Variants in ANO5 observed in about 807,000 individuals in gnomAD.
ANO5 encodes the protein anoctamin 5, also known as anoctamin-5.
ANO5 carries 109 observed loss-of-function variants against 121.0 expected under a neutral mutation model. That is an observed-to-expected ratio of 0.90 (90% CI 0.77 to 1.06). ANO5 has a LOEUF of 1.06. Among genes scored for constraint, ANO5 ranks in the 50% least tolerant of loss-of-function variants. The pLI is 0.00. For missense variants in ANO5, 1,064 were observed against 1,078.5 expected (o/e 0.99, Z 0.19); for synonymous variants, 406 against 359.9 (o/e 1.13, Z -1.45).
chr11:22,197,790 C>A (rs1851856254), intron 1 of ANO5, among the ~76,000 whole-genome samples: 1 of 152,126 alleles, frequency 6.6e-6, no homozygotes, highest in Non-Finnish European at 1.5e-5. Context: ...TGATGATTCT[C>A]CACAGTGATT....
At chr11:22,250,199 C>G (rs764662951) in intron 9 of ANO5, 38 bp from the exon 10 acceptor site, 1 of 1,531,392 alleles carries the variant, frequency 6.5e-7, no homozygotes, top group South Asian at 1.1e-5. Context: ...CTATAACATT[C>G]TTCCATATTC....
intron 9 of ANO5, among the ~76,000 whole-genome samples, chr11:22,248,361 G>A (rs879367782): frequency 6.6e-6 from 1 of 151,838 alleles, no homozygotes; most frequent in African/African-American, 2.4e-5. Context: ...TCAAAAGAAG[G>A]CTCTCCCTAT....
intron 17 of ANO5, among the ~76,000 whole-genome samples, chr11:22,269,509 GA>G (rs1223442302): frequency 9.0e-5 from 7 of 77,554 alleles, no homozygotes; most frequent in East Asian, 4.6e-4. Flanking sequence ...AGGAAGGAAA[GA>G]AAAAAAGAAA....
chr11:22,244,541 T>A (rs1159506632), intron 9 of ANO5, among the ~76,000 whole-genome samples: 1 of 152,038 alleles, frequency 6.6e-6, no homozygotes, highest in Non-Finnish European at 1.5e-5. Context: ...AAGTTTGGTC[T>A]CTTTATGTAA....
chr11:22,255,324 T>G (rs1308752074), intron 12 of ANO5, 47 bp from the exon 13 acceptor site: 1 of 1,462,052 alleles, frequency 6.8e-7, no homozygotes, highest in Non-Finnish European at 9.2e-7. Context: ...TTGAAAAAGT[T>G]TTTAACTTTT....
At chr11:22,253,647 T>G (rs1853899860) in intron 12 of ANO5, among the ~76,000 whole-genome samples, 5 of 152,188 alleles carry the variant, frequency 3.3e-5, no homozygotes, top group Admixed American at 3.3e-4. Flanking sequence ...AGTAGAAGTT[T>G]CTGCCTTACG....
chr11:22,269,534 AAAAAGAAAAGGAAGGAAAGAAAAAAAG>A (rs1854528731), intron 17 of ANO5, among the ~76,000 whole-genome samples: 1 of 149,648 alleles, frequency 6.7e-6, no homozygotes, highest in African/African-American at 2.5e-5. Context: ...AAGGAAAGAA[AAAAAGAAAAGGAAGGAAAGAAAAAAAG>A]AAAAGGAAAG....
intron 9 of ANO5, among the ~76,000 whole-genome samples, chr11:22,248,269 T>C (rs909282001): frequency 6.6e-6 from 1 of 152,044 alleles, no homozygotes; most frequent in Admixed American, 6.6e-5. Context: ...CACAGATCAG[T>C]TGAAAGTCTA....
At position 22,270,758 on chromosome 11, in the gene ANO5, A is replaced by G. The variant is rs188845679; in HGVS notation, c.2029+316A>G. Reference sequence around the variant, plus strand: ...CCATCTCAAATTCGCTTTGATGGCTATTTCTCCATTTGTTTGCCTCAGTGA... The same window carrying G: ...CCATCTCAAATTCGCTTTGATGGCTGTTTCTCCATTTGTTTGCCTCAGTGA... On this transcript the variant is annotated intron_variant, in intron 18 of 21. Coordinates refer to ENST00000324559, the MANE Select transcript of ANO5 (RefSeq NM_213599.3). Among the ~76,000 whole-genome samples, 14 of 152,262 alleles carry G rather than the reference A, an allele frequency of 9.2e-5. No individual in the cohort carries two copies. The East Asian group carries it at 2.3e-3, about 25-fold the overall frequency.
chr11:22,231,209 A>G (rs1853029631), intron 7 of ANO5, among the ~76,000 whole-genome samples: 1 of 151,976 alleles, frequency 6.6e-6, no homozygotes, highest in African/African-American at 2.4e-5. Flanking sequence ...TTGTATGCTC[A>G]ATGCCCAGTA....
At chr11:22,230,505 T>A (rs1268603670) in intron 7 of ANO5, among the ~76,000 whole-genome samples, 48 of 152,054 alleles carry the variant, frequency 3.2e-4, no homozygotes, top group Non-Finnish European at 1.3e-4. Context: ...TGCTTTTTGA[T>A]AGTGTTTTTA....
intron 2 of ANO5, among the ~76,000 whole-genome samples, chr11:22,206,308 C>G (rs552717075): frequency 7.1e-6 from 1 of 140,274 alleles, no homozygotes; most frequent in Admixed American, 7.3e-5. Flanking sequence ...ATGGAAGGCT[C>G]CATTCATTTT....
chr11:22,213,581 C>T (rs1852349811), intron 3 of ANO5, among the ~76,000 whole-genome samples: 1 of 151,748 alleles, frequency 6.6e-6, no homozygotes, highest in African/African-American at 2.4e-5. Flanking sequence ...GATTACCTGG[C>T]TTGAAGTAAT....
chr11:22,250,726 C>T lies in ANO5; in HGVS notation c.1014-15C>T. On this transcript the variant is annotated splice_polypyrimidine_tract_variant and intron_variant, in intron 10 of 21. Coordinates refer to ENST00000324559, the MANE Select transcript of ANO5 (RefSeq NM_213599.3). Reference sequence around the variant, plus strand: ...CACCTATCACTGTTCAATAACTTTGCTGTTCCTCTTGCAGCACTGAAATCT... The same window carrying T: ...CACCTATCACTGTTCAATAACTTTGTTGTTCCTCTTGCAGCACTGAAATCT... The T allele has an allele frequency of 1.9e-6, 3 of 1,610,784 alleles. No homozygotes were observed. The highest frequency in any genetic ancestry group is 3.3e-4 in the Middle Eastern group (2 of 6,058).
At chr11:22,205,746 G>A (rs1367371118) in intron 2 of ANO5, among the ~76,000 whole-genome samples, 1 of 151,860 alleles carries the variant, frequency 6.6e-6, no homozygotes, top group Non-Finnish European at 1.5e-5. Context: ...AGTTGCGCTG[G>A]GACATATGTA....
chr11:22,253,231 A>G (rs928140827), intron 12 of ANO5, among the ~76,000 whole-genome samples: 3 of 152,250 alleles, frequency 2.0e-5, no homozygotes, highest in Non-Finnish European at 4.4e-5. Flanking sequence ...ATATACTTAT[A>G]ATCACAAAAG....
At chr11:22,226,634 A>G (rs964710336) in intron 6 of ANO5, among the ~76,000 whole-genome samples, 1 of 152,200 alleles carries the variant, frequency 6.6e-6, no homozygotes, top group South Asian at 2.1e-4. Flanking sequence ...CCAAAGCAGG[A>G]GGATTGCTGG....
Position 22,266,128 on chromosome 11 carries a change from AT to A in ANO5, c.1898+3091del, listed in dbSNP as rs1209577744. 1.3e-4 allele frequency among the ~76,000 whole-genome samples: 20 copies of A among 152,302 alleles called. No homozygotes were observed. The East Asian group carries it at 3.9e-3, about 29-fold the overall frequency. On this transcript the variant is annotated intron_variant, in intron 17 of 21. Coordinates refer to ENST00000324559, the MANE Select transcript of ANO5 (RefSeq NM_213599.3). ...CTCAAAATGGATCATAGACAAAACTATTTTTTAAAAAGCAAGGAAGTGATTA... is the reference window on the plus strand; with the variant it reads ...CTCAAAATGGATCATAGACAAAACTATTTTTAAAAAGCAAGGAAGTGATTA...
Position 22,259,502 on chromosome 11 carries a change from T to C in ANO5, c.1408-17T>C. The C allele has an allele frequency of 6.2e-7, 1 of 1,606,446 alleles. No individual in the cohort carries two copies. Among genetic ancestry groups the C allele is most frequent in the Non-Finnish European group, 8.5e-7 (1 of 1,173,030 alleles). On this transcript the variant is annotated splice_polypyrimidine_tract_variant and intron_variant, in intron 14 of 21. Transcript: ENST00000324559. ...ATACAGAGACCCAAATAGCAGTTCT[T>C]TGTTTTCCTTTCCCAGATGTCTCTT... is the stretch of plus-strand genomic sequence containing the variant.
Sources: gnomAD v4.1 joint callset for allele counts (sites outside exome capture counted in the v4.1 genomes callset) on GRCh38, gnomAD v4.1.1 for gene constraint, MANE v1.5 for transcripts, NCBI Gene and HGNC (gene_info 2026-07-23, HGNC 2026-07-21) for gene names.